MALRD1: variants seen among roughly 807,000 people sequenced by gnomAD.
MALRD1 encodes the protein MAM and LDL-receptor class A domain-containing protein 1.
In MALRD1, 247 loss-of-function variants were observed where a neutral mutation model predicts 242.1. The ratio of observed to expected loss-of-function variants is 1.02; its 90% CI spans 0.92 to 1.13. The LOEUF is 1.13. MALRD1 is among the 50% of genes most tolerant of loss of function. The pLI is 0.00. For synonymous variants in MALRD1, 995 were observed against 866.6 expected, an observed-to-expected ratio of 1.15 and a Z score of -2.60; for missense variants, 2,989 against 2,533.1, an observed-to-expected ratio of 1.18 and a Z score of -3.86.
chr10:19,300,726 A>G (rs552621587), intron 21 of MALRD1, among the ~76,000 whole-genome samples: 69 of 152,144 alleles, frequency 4.5e-4, no homozygotes, highest in African/African-American at 1.6e-3. Context: ...GGATTAAAAC[A>G]CTTAAATGTA....
chr10:19,282,618 C>A (rs751725703), intron 20 of MALRD1, among the ~76,000 whole-genome samples: 2 of 152,066 alleles, frequency 1.3e-5, no homozygotes, highest in Non-Finnish European at 2.9e-5. Flanking sequence ...TTGGAAACCT[C>A]GTTGCTTAAA....
chr10:19,512,917 C>T (rs1357772859), intron 31 of MALRD1, among the ~76,000 whole-genome samples: 5 of 151,970 alleles, frequency 3.3e-5, no homozygotes, highest in South Asian at 2.1e-4. Context: ...TCAGGAAGGA[C>T]GAAGTGGTCA....
At chr10:19,365,517 T>TC (rs71387064) in intron 26 of MALRD1, among the ~76,000 whole-genome samples, 4 of 152,014 alleles carry the variant, frequency 2.6e-5, no homozygotes, top group African/African-American at 9.7e-5. Context: ...TCTTTTTTTT[T>TC]CCTTTTAAGC....
intron 32 of MALRD1, among the ~76,000 whole-genome samples, chr10:19,562,977 G>A (rs547712616): frequency 2.0e-5 from 3 of 152,304 alleles, no homozygotes; most frequent in Admixed American, 6.5e-5. Context: ...AAAGACTGGG[G>A]ATCACTGCTC....
At chr10:19,053,543 A>G (rs148128010) in intron 1 of MALRD1, among the ~76,000 whole-genome samples, 1 of 152,306 alleles carries the variant, frequency 6.6e-6, no homozygotes, top group African/African-American at 2.4e-5. Flanking sequence ...CCACTAAATG[A>G]TGAAATGTGG....
intron 29 of MALRD1, among the ~76,000 whole-genome samples, chr10:19,478,762 T>C (rs916737355): frequency 1.3e-5 from 2 of 152,192 alleles, no homozygotes; most frequent in African/African-American, 2.4e-5. Flanking sequence ...GTAAATTACT[T>C]TGTTAGCTGT....
chr10:19,408,610 G>A (rs930204713), intron 28 of MALRD1, among the ~76,000 whole-genome samples: 1 of 152,040 alleles, frequency 6.6e-6, no homozygotes, highest in Non-Finnish European at 1.5e-5. Context: ...ATGGGCAAAA[G>A]ATATAAAGAG....
intron 31 of MALRD1, among the ~76,000 whole-genome samples, chr10:19,526,938 G>C (rs1834128357): frequency 6.6e-6 from 1 of 152,120 alleles, no homozygotes; most frequent in Non-Finnish European, 1.5e-5. Context: ...TGTAGAATAG[G>C]AAAGAAGGTG....
chr10:19,415,000 G>T (rs906527907), intron 28 of MALRD1, among the ~76,000 whole-genome samples: 1 of 151,940 alleles, frequency 6.6e-6, no homozygotes. Context: ...CTTTTTTTCT[G>T]TAGAAATAAT....
intron 26 of MALRD1, among the ~76,000 whole-genome samples, chr10:19,363,028 A>T (rs1004982703): frequency 6.6e-6 from 1 of 152,050 alleles, no homozygotes; most frequent in African/African-American, 2.4e-5. Context: ...TTCATGGGGG[A>T]GAGTTCAGGC....
chr10:19,385,665 A>G (rs1246754221), intron 26 of MALRD1, among the ~76,000 whole-genome samples: 1 of 151,926 alleles, frequency 6.6e-6, no homozygotes, highest in Non-Finnish European at 1.5e-5. Context: ...TGTCAGTTTT[A>G]TCTTTTCAAA....
intron 18 of MALRD1, among the ~76,000 whole-genome samples, chr10:19,218,000 G>T (rs1158162410): frequency 2.0e-5 from 3 of 152,010 alleles, no homozygotes; most frequent in Admixed American, 6.6e-5. Flanking sequence ...TAGATAGAAA[G>T]CCATGAACTT....
intron 19 of MALRD1, among the ~76,000 whole-genome samples, chr10:19,273,709 T>G (rs1316022246): frequency 6.6e-6 from 1 of 152,194 alleles, no homozygotes; most frequent in Admixed American, 6.5e-5. Context: ...ACATTAGTGT[T>G]TGCCATTGTT....
chr10:19,413,909 C>G (rs1324741597), intron 28 of MALRD1, among the ~76,000 whole-genome samples: 1 of 151,132 alleles, frequency 6.6e-6, no homozygotes, highest in African/African-American at 2.4e-5. Context: ...CGAGATCGCA[C>G]TACTGCACTC....
At chr10:19,414,644 G>T (rs979294668) in intron 28 of MALRD1, among the ~76,000 whole-genome samples, 6 of 152,162 alleles carry the variant, frequency 3.9e-5, no homozygotes, top group South Asian at 2.1e-4. Context: ...ATTAGTGAAA[G>T]TTGGGAAAGG....
chr10:19,247,898 C>CA (rs1271238866), intron 18 of MALRD1, among the ~76,000 whole-genome samples: 1 of 152,008 alleles, frequency 6.6e-6, no homozygotes, highest in Non-Finnish European at 1.5e-5. Context: ...AATTGGGCAG[C>CA]ACTCAGAACC....
At chr10:19,560,490 A>C (rs924316482) in intron 32 of MALRD1, among the ~76,000 whole-genome samples, 1 of 152,044 alleles carries the variant, frequency 6.6e-6, no homozygotes, top group African/African-American at 2.4e-5. Context: ...TAAAATAAAA[A>C]ATAAATAAAG....
chr10:19,400,501 C>CTGTGG (rs1401377072), intron 28 of MALRD1, among the ~76,000 whole-genome samples: 1 of 152,136 alleles, frequency 6.6e-6, no homozygotes, highest in Non-Finnish European at 1.5e-5. Context: ...ACTGTCCTGT[C>CTGTGG]TGTAGCAAGT....
intron 19 of MALRD1, among the ~76,000 whole-genome samples, chr10:19,268,765 T>C (rs1407691462): frequency 6.6e-6 from 1 of 152,198 alleles, no homozygotes; most frequent in East Asian, 1.9e-4. Context: ...GGAAGTCTAG[T>C]ATAAAACAAG....
Sources: gnomAD v4.1 joint callset for allele counts (sites outside exome capture counted in the v4.1 genomes callset) on GRCh38, gnomAD v4.1.1 for gene constraint, MANE v1.5 for transcripts, NCBI Gene and HGNC (gene_info 2026-07-23, HGNC 2026-07-21) for gene names.